Variants in PTPRD observed in about 807,000 individuals in gnomAD.
PTPRD encodes protein tyrosine phosphatase receptor type D.
In PTPRD, 34 loss-of-function variants were observed where a neutral mutation model predicts 214.5. The observed-to-expected ratio is 0.16, with a 90% CI of 0.12 to 0.21. The LOEUF is 0.21. Among genes scored for constraint, PTPRD ranks in the 10% least tolerant of loss-of-function variants. The probability of loss-of-function intolerance (pLI) is 1.00; values close to 1 mark genes in which losing one functional copy is unlikely to be tolerated. For synonymous variants in PTPRD, 1,128 were observed against 845.7 expected (o/e 1.33, Z -5.79); for missense variants, 2,545 against 2,398.7 (o/e 1.06, Z -1.27).
chr9:9,828,173 T>C (rs1276991700), intron 5 of PTPRD, among the ~76,000 whole-genome samples: 11 of 152,098 alleles, frequency 7.2e-5, no homozygotes, highest in South Asian at 6.2e-4. Context: ...CAAAGGATTA[T>C]AAATCATGCT....
intron 11 of PTPRD, among the ~76,000 whole-genome samples, chr9:8,937,186 G>A (rs1319771153): frequency 6.6e-6 from 1 of 152,096 alleles, no homozygotes; most frequent in Admixed American, 6.5e-5. Context: ...AACAATTTGA[G>A]ACAGTCACGG....
At chr9:8,895,729 G>A (rs554898491) in intron 11 of PTPRD, among the ~76,000 whole-genome samples, 1 of 152,276 alleles carries the variant, frequency 6.6e-6, no homozygotes, top group South Asian at 2.1e-4. Flanking sequence ...AATGAGTGCT[G>A]CTGAAATGTG....
intron 3 of PTPRD, among the ~76,000 whole-genome samples, chr9:10,274,740 T>C (rs1013015817): frequency 1.3e-5 from 2 of 152,176 alleles, no homozygotes; most frequent in African/African-American, 4.8e-5. Flanking sequence ...CTATTCCATT[T>C]AAATATTTTA....
chr9:10,428,780 A>G (rs592714), intron 2 of PTPRD, among the ~76,000 whole-genome samples: 4,055 of 152,132 alleles, frequency 0.027, 169 homozygotes, highest in African/African-American at 0.091. Context: ...TGTATTTGTG[A>G]GGGGAATATA....
At chr9:10,500,527 C>A (rs1269953198) in intron 2 of PTPRD, among the ~76,000 whole-genome samples, 1 of 151,868 alleles carries the variant, frequency 6.6e-6, no homozygotes, top group African/African-American at 2.4e-5. Flanking sequence ...TCCCATCAAG[C>A]ATTTATCCTT....
intron 2 of PTPRD, among the ~76,000 whole-genome samples, chr9:10,560,421 G>A (rs1160952992): frequency 6.6e-6 from 1 of 151,740 alleles, no homozygotes; most frequent in South Asian, 2.1e-4. Flanking sequence ...GGTGGGGGGA[G>A]TGGGGAGGGA....
chr9:8,709,755 G>A (rs1417765406), intron 12 of PTPRD, among the ~76,000 whole-genome samples: 1 of 152,084 alleles, frequency 6.6e-6, no homozygotes, highest in African/African-American at 2.4e-5. Context: ...CCTAATGGAA[G>A]AGTCAGTCTA....
chr9:8,935,090 A>G (rs2098987858), intron 11 of PTPRD, among the ~76,000 whole-genome samples: 1 of 152,136 alleles, frequency 6.6e-6, no homozygotes, highest in African/African-American at 2.4e-5. Flanking sequence ...GACTGATTTC[A>G]TATATTGGCT....
At chr9:8,772,668 T>C (rs1407948324) in intron 11 of PTPRD, among the ~76,000 whole-genome samples, 1 of 152,166 alleles carries the variant, frequency 6.6e-6, no homozygotes, top group Non-Finnish European at 1.5e-5. Context: ...AATAATTTTT[T>C]AAAAACTTGT....
intron 33 of PTPRD, among the ~76,000 whole-genome samples, chr9:8,451,577 C>T (rs1273966988): frequency 2.0e-5 from 3 of 152,190 alleles, no homozygotes; most frequent in Non-Finnish European, 4.4e-5. Context: ...GTCTTCGCCT[C>T]ACCACACTAA....
In PTPRD at chr9:10,469,611, A is replaced by G. The variant is rs80199065; in HGVS notation, c.-599-128594T>C. 4.7e-3 allele frequency among the ~76,000 whole-genome samples: 716 copies of G among 152,238 alleles called. 4 individuals carry two copies. The highest frequency in any genetic ancestry group is 0.016 in the African/African-American group (673 of 41,554). ...GAAAAACAGTATGGCGCTTCCTCAA[A>G]GAACTAAAAATAGAGCTACTATATG... On this transcript the variant is annotated intron_variant, in intron 2 of 45. Transcript: ENST00000381196.
intron 3 of PTPRD, among the ~76,000 whole-genome samples, chr9:10,328,329 G>A (rs1209075320): frequency 6.6e-6 from 1 of 151,342 alleles, no homozygotes; most frequent in Non-Finnish European, 1.5e-5. Context: ...AATTACACCC[G>A]GTACTTGAAA....
At chr9:8,503,162 T>G (rs1002530771) in intron 23 of PTPRD, among the ~76,000 whole-genome samples, 1 of 152,082 alleles carries the variant, frequency 6.6e-6, no homozygotes, top group African/African-American at 2.4e-5. Context: ...ACATAAATTT[T>G]ATTATCAAAA....
At chr9:8,999,576 G>C (rs1196687536) in intron 11 of PTPRD, among the ~76,000 whole-genome samples, 1 of 151,934 alleles carries the variant, frequency 6.6e-6, no homozygotes, top group Non-Finnish European at 1.5e-5. Flanking sequence ...TTGCTCTTTT[G>C]TGATATTGCT....
intron 9 of PTPRD, among the ~76,000 whole-genome samples, chr9:9,248,099 T>A (rs1397179464): frequency 2.0e-5 from 3 of 152,096 alleles, no homozygotes; most frequent in African/African-American, 4.8e-5. Context: ...TATTATTATT[T>A]TTTTTTAATT....
At chr9:10,573,669 C>G (rs900133581) in intron 2 of PTPRD, among the ~76,000 whole-genome samples, 1 of 152,072 alleles carries the variant, frequency 6.6e-6, no homozygotes, top group Admixed American at 6.6e-5. Context: ...GGGGCTACAG[C>G]GCACCTGGAC....
intron 2 of PTPRD, among the ~76,000 whole-genome samples, chr9:10,501,859 C>T (rs867320691): frequency 4.6e-5 from 7 of 151,960 alleles, no homozygotes; most frequent in Middle Eastern, 3.4e-3. Context: ...ATTCTGGAAG[C>T]ACATTAGAAT....
At chr9:10,571,059 ATATTT>A (rs2067279894) in intron 2 of PTPRD, among the ~76,000 whole-genome samples, 1 of 152,120 alleles carries the variant, frequency 6.6e-6, no homozygotes, top group Non-Finnish European at 1.5e-5. Flanking sequence ...TATTTTATGC[ATATTT>A]GCATTATAGT....
chr9:8,808,421 T>C (rs936638025), intron 11 of PTPRD, among the ~76,000 whole-genome samples: 5 of 146,616 alleles, frequency 3.4e-5, no homozygotes, highest in South Asian at 2.2e-4. Flanking sequence ...AAACACCAAA[T>C]ACAAAATTTA....
Sources: allele counts gnomAD v4.1 joint callset (sites outside exome capture counted in the v4.1 genomes callset), GRCh38; gene constraint gnomAD v4.1.1; transcripts MANE v1.5; gene names NCBI Gene and HGNC (gene_info 2026-07-23, HGNC 2026-07-21).